The following FHIT variants were observed in gnomAD, a reference collection of about 807,000 sequenced individuals.
FHIT encodes the protein bis(5'-adenosyl)-triphosphatase.
In FHIT, 19 loss-of-function variants were observed where a neutral mutation model predicts 17.9. That is an observed-to-expected ratio of 1.06 (90% CI 0.74 to 1.56). The LOEUF is 1.56. Ranked by LOEUF, FHIT falls within the 40% of genes most tolerant of loss-of-function variation. The probability of loss-of-function intolerance (pLI) is 0.00; values close to 1 mark genes in which losing one functional copy is unlikely to be tolerated. For missense variants in FHIT, 248 were observed against 189.2 expected (o/e 1.31, Z -1.82); for synonymous variants, 81 against 69.7 (o/e 1.16, Z -0.81).
chr3:60,057,435 G>A (rs1460790047), intron 5 of FHIT, among the ~76,000 whole-genome samples: 1 of 152,120 alleles, frequency 6.6e-6, no homozygotes, highest in Non-Finnish European at 1.5e-5. Context: ...TAAATATGTG[G>A]TAGGTCCATA....
chr3:60,857,553 C>T (rs988010565), intron 3 of FHIT, among the ~76,000 whole-genome samples: 10 of 151,870 alleles, frequency 6.6e-5, no homozygotes, highest in African/African-American at 2.4e-4. Flanking sequence ...GCTTTCATCC[C>T]AGTGCTTGCC....
intron 4 of FHIT, among the ~76,000 whole-genome samples, chr3:60,558,566 A>G (rs1236074590): frequency 6.6e-6 from 1 of 152,034 alleles, no homozygotes; most frequent in Non-Finnish European, 1.5e-5. Flanking sequence ...TGCACAGTCC[A>G]GAAAGAACAT....
chr3:60,817,507 A>G (rs187398158), intron 4 of FHIT, among the ~76,000 whole-genome samples: 1 of 151,942 alleles, frequency 6.6e-6, no homozygotes, highest in Admixed American at 6.6e-5. Context: ...AGAATTCTGG[A>G]TTAACAGTGT....
At chr3:60,387,023 C>CTTTTTTTTTTTTTTTTTT (rs71627536) in intron 5 of FHIT, among the ~76,000 whole-genome samples, 1 of 136,398 alleles carries the variant, frequency 7.3e-6, no homozygotes, top group Non-Finnish European at 1.6e-5. Context: ...TCTATTTATT[C>CTTTTTTTTTTTTTTTTTT]TTTTTTTTTT....
At chr3:60,495,534 G>A (rs2107511228) in intron 5 of FHIT, among the ~76,000 whole-genome samples, 1 of 151,900 alleles carries the variant, frequency 6.6e-6, no homozygotes, top group East Asian at 1.9e-4. Context: ...AAAAATCCAA[G>A]CCATTATTGA....
chr3:60,400,110 G>C (rs1300360707), intron 5 of FHIT, among the ~76,000 whole-genome samples: 1 of 152,170 alleles, frequency 6.6e-6, no homozygotes, highest in Non-Finnish European at 1.5e-5. Flanking sequence ...AGGTAGGATT[G>C]CTTTAGTTGG....
chr3:60,480,714 GCATGCT>G (rs769174896), intron 5 of FHIT, among the ~76,000 whole-genome samples: 1 of 152,176 alleles, frequency 6.6e-6, no homozygotes, highest in Non-Finnish European at 1.5e-5. Context: ...CAAATCCAGG[GCATGCT>G]CATGCAGGAA....
chr3:60,616,297 A>C (rs1553675895), intron 4 of FHIT, among the ~76,000 whole-genome samples: 1 of 152,238 alleles, frequency 6.6e-6, no homozygotes, highest in African/African-American at 2.4e-5. Context: ...AAATATAAGC[A>C]AAAGTGATTC....
At chr3:60,203,942 G>C (rs1175931862) in intron 5 of FHIT, among the ~76,000 whole-genome samples, 1 of 152,126 alleles carries the variant, frequency 6.6e-6, no homozygotes, top group East Asian at 1.9e-4. Flanking sequence ...CAGAGGCTGG[G>C]AAGGGTCATG....
At chr3:60,206,762 T>A (rs543593523) in intron 5 of FHIT, among the ~76,000 whole-genome samples, 1 of 149,272 alleles carries the variant, frequency 6.7e-6, no homozygotes, top group Non-Finnish European at 1.5e-5. Context: ...TAGAGTACAT[T>A]GCTGAATGTG....
At chr3:60,533,550 A>G (rs2035865344) in intron 5 of FHIT, among the ~76,000 whole-genome samples, 3 of 152,340 alleles carry the variant, frequency 2.0e-5, no homozygotes, top group South Asian at 4.1e-4. Context: ...TACTGAATGA[A>G]TCAACATGAG....
intron 5 of FHIT, among the ~76,000 whole-genome samples, chr3:60,071,861 G>C (rs1252385706): frequency 6.6e-6 from 1 of 152,154 alleles, no homozygotes; most frequent in African/African-American, 2.4e-5. Flanking sequence ...TAAGTCTAAT[G>C]AGATCTGATG....
chr3:60,432,715 T>C (rs1357359337), intron 5 of FHIT, among the ~76,000 whole-genome samples: 1 of 152,012 alleles, frequency 6.6e-6, no homozygotes. Flanking sequence ...CTCACATGGA[T>C]CTACTGGGGG....
At chr3:59,963,669 T>C (rs1707793182) in intron 7 of FHIT, among the ~76,000 whole-genome samples, 1 of 152,174 alleles carries the variant, frequency 6.6e-6, no homozygotes, top group Admixed American at 6.5e-5. Context: ...TTCAGAAAAA[T>C]AGAGTGACTT....
At chr3:61,041,199 G>A (rs9822578) in intron 3 of FHIT, among the ~76,000 whole-genome samples, 27,884 of 151,720 alleles carry the variant, frequency 0.18, 2,927 homozygotes, top group African/African-American at 0.27. Flanking sequence ...GCCAACATGC[G>A]GAAACCCTGC....
At chr3:60,009,032 TA>T (rs1173745040) in intron 7 of FHIT, among the ~76,000 whole-genome samples, 1 of 152,246 alleles carries the variant, frequency 6.6e-6, no homozygotes, top group East Asian at 1.9e-4. Context: ...TTGTTGTTGT[TA>T]ACTGATACCA....
intron 8 of FHIT, among the ~76,000 whole-genome samples, chr3:59,809,260 T>C (rs1057301007): frequency 6.6e-6 from 1 of 152,192 alleles, no homozygotes; most frequent in South Asian, 2.1e-4. Context: ...CCGTGACTGG[T>C]GTCCTTATAA....
rs17298728 is a variant in FHIT at position 59,882,901 on chromosome 3, G to A, written c.348+39445C>T. ...AGCTGATAAAAGGCAAAGCTAAAATGACTTTGGCCATGACTATGCTGTTCG... is the reference window on the plus strand; with the variant it reads ...AGCTGATAAAAGGCAAAGCTAAAATAACTTTGGCCATGACTATGCTGTTCG... On this transcript the variant is annotated intron_variant, in intron 8 of 9. Coordinates refer to ENST00000492590, the MANE Select transcript of FHIT (RefSeq NM_002012.4). 6.7e-3 allele frequency among the ~76,000 whole-genome samples: 1,015 copies of A among 152,286 alleles called. 5 individuals are homozygous for A. The highest frequency in any genetic ancestry group is 0.014 in the Middle Eastern group (4 of 294).
At chr3:59,899,023 A>C (rs1704202533) in intron 8 of FHIT, among the ~76,000 whole-genome samples, 1 of 152,196 alleles carries the variant, frequency 6.6e-6, no homozygotes, top group African/African-American at 2.4e-5. Flanking sequence ...TCTGCCCACC[A>C]TCAGAGTCCT....
Sources: allele counts gnomAD v4.1 joint callset (sites outside exome capture counted in the v4.1 genomes callset), GRCh38; gene constraint gnomAD v4.1.1; transcripts MANE v1.5; gene names NCBI Gene and HGNC (gene_info 2026-07-23, HGNC 2026-07-21).